SVEP1: variants seen among roughly 807,000 people sequenced by gnomAD.
The protein encoded by SVEP1 is sushi, von Willebrand factor type A, EGF and pentraxin domain-containing protein 1.
In SVEP1, 164 loss-of-function variants were observed where a neutral mutation model predicts 367.3. The observed-to-expected ratio is 0.45, with a 90% CI of 0.39 to 0.51. The LOEUF (loss-of-function observed/expected upper bound fraction) is 0.51, where lower values mean the gene tolerates loss of function less well. Among genes scored for constraint, SVEP1 ranks in the 20% least tolerant of loss-of-function variants. The pLI is 0.00. For synonymous variants in SVEP1, 1,666 were observed against 1,611.6 expected (o/e 1.03, Z -0.81); for missense variants, 4,117 against 4,425.3 (o/e 0.93, Z 1.98).
intron 36 of SVEP1, among the ~76,000 whole-genome samples, chr9:110,416,596 C>A (rs968168812): frequency 2.6e-5 from 4 of 151,392 alleles, no homozygotes; most frequent in African/African-American, 9.8e-5. Context: ...AAAATATTTG[C>A]AGTGAAAATG....
chr9:110,544,206 A>G lies in SVEP1; in HGVS notation c.964+1909T>C, dbSNP rs1302361786. Among the ~76,000 whole-genome samples the G allele has an allele frequency of 3.9e-5, 6 of 152,204 alleles. No individual in the cohort carries two copies. The East Asian group carries it at 1.2e-3, about 29-fold the overall frequency. ...ACTTTCAGACAGACAAGAGAACCAC[A>G]TTTCTATGTGGAGAGCAGACCCATC... On this transcript the variant is annotated intron_variant, in intron 3 of 47. Coordinates refer to ENST00000374469, the MANE Select transcript of SVEP1 (RefSeq NM_153366.4).
chr9:110,404,537 A>G lies in SVEP1; in HGVS notation c.9456T>C (p.Tyr3152=), dbSNP rs1172262745. The G allele has an allele frequency of 6.2e-7, 1 of 1,614,008 alleles. No homozygotes were observed. Among genetic ancestry groups the G allele is most frequent in the Admixed American group, 1.7e-5 (1 of 60,026 alleles). The change falls in exon 39 of 48, where the codon TAT becomes TAC. Residue 3152 remains tyrosine, a synonymous_variant. Transcript: ENST00000374469. The part of the protein sequence containing the change: ...SEVKLRCLEG[Y]TMDTDTDTFT... The stretch of plus-strand genomic sequence containing the variant: ...ATGTATCTGTATCTGTATCCATCGT[A>G]TAACCTTCCAGACATCTGCAATGGA...
chr9:110,530,380 C>T lies in SVEP1; in HGVS notation c.964+15735G>A, dbSNP rs143593003. Among the ~76,000 whole-genome samples the T allele has an allele frequency of 5.2e-3, 789 of 152,236 alleles. 7 individuals carry two copies. Among genetic ancestry groups the T allele is most frequent in the Middle Eastern group, 0.01 (3 of 294 alleles). The stretch of plus-strand genomic sequence containing the variant: ...GACATGCTTGGTTGGACGTTAGGGA[C>T]ATGTCTTCATGACTACCCATTGCTT... On this transcript the variant is annotated intron_variant, in intron 3 of 47. Coordinates refer to ENST00000374469, the MANE Select transcript of SVEP1 (RefSeq NM_153366.4).
intron 1 of SVEP1, among the ~76,000 whole-genome samples, chr9:110,564,353 TA>T (rs1564177644): frequency 6.6e-6 from 1 of 152,154 alleles, no homozygotes; most frequent in Non-Finnish European, 1.5e-5. Context: ...ATACTTACCA[TA>T]AAGAAAAAGT....
At chr9:110,453,749 G>A (rs774721560) in intron 22 of SVEP1, among the ~76,000 whole-genome samples, 2 of 152,030 alleles carry the variant, frequency 1.3e-5, no homozygotes, top group Non-Finnish European at 2.9e-5. Flanking sequence ...TGCGCCTGTA[G>A]TCTCAGCTAC....
chr9:110,409,735 A>G (rs1407505181), intron 37 of SVEP1, among the ~76,000 whole-genome samples: 2 of 152,226 alleles, frequency 1.3e-5, no homozygotes, highest in Non-Finnish European at 1.5e-5. Context: ...TTATATTAAC[A>G]TATTTCTTAA....
intron 1 of SVEP1, among the ~76,000 whole-genome samples, chr9:110,566,735 TGAG>T (rs1830498560): frequency 2.0e-5 from 3 of 152,302 alleles, no homozygotes; most frequent in Admixed American, 2.0e-4. Flanking sequence ...TGTGCAATAT[TGAG>T]GAGAACATTA....
At chr9:110,477,517 T>C (rs1251785962) in intron 13 of SVEP1, among the ~76,000 whole-genome samples, 1 of 152,174 alleles carries the variant, frequency 6.6e-6, no homozygotes, top group Non-Finnish European at 1.5e-5. Flanking sequence ...CTTAGAAAAT[T>C]ATTTTACACC....
At chr9:110,539,894 G>A (rs2118832307) in intron 3 of SVEP1, among the ~76,000 whole-genome samples, 1 of 152,090 alleles carries the variant, frequency 6.6e-6, no homozygotes, top group Admixed American at 6.6e-5. Flanking sequence ...TGTGACCAAA[G>A]TGGCTAGACT....
intron 3 of SVEP1, among the ~76,000 whole-genome samples, chr9:110,516,375 T>C (rs141095750): frequency 8.9e-4 from 135 of 151,956 alleles, no homozygotes; most frequent in African/African-American, 3.2e-3. Context: ...TGATATATAG[T>C]AGCAAATTCC....
At chr9:110,451,446 A>G (rs4421419) in intron 22 of SVEP1, 44 bp from the exon 23 acceptor site, 1,246,676 of 1,484,674 alleles carry the variant, frequency 0.84, 524,534 homozygotes, top group East Asian at 0.99. Flanking sequence ...AACTTGACAG[A>G]ACTTTAAGAC....
At chr9:110,379,126 CCT>C (rs1827396193) in intron 44 of SVEP1, among the ~76,000 whole-genome samples, 2 of 152,074 alleles carry the variant, frequency 1.3e-5, no homozygotes, top group Non-Finnish European at 2.9e-5. Flanking sequence ...TGCCTCATTA[CCT>C]CTTTCTATTT....
chr9:110,513,670 T>C (rs910749886), intron 4 of SVEP1, among the ~76,000 whole-genome samples: 3 of 152,194 alleles, frequency 2.0e-5, no homozygotes, highest in African/African-American at 7.2e-5. Context: ...GGCTTTTCTT[T>C]TTTTGATTCA....
chr9:110,471,224 A>T, intron 16 of SVEP1, 140 bp downstream of exon 16: 1 of 697,302 alleles, frequency 1.4e-6, no homozygotes, highest in Non-Finnish European at 2.3e-6. Context: ...CTCTTGAGAC[A>T]AAATAGTAAT....
intron 46 of SVEP1, 43 bp from the exon 47 acceptor site, chr9:110,370,059 A>T (rs1827253849): frequency 6.4e-7 from 1 of 1,553,146 alleles, no homozygotes. Flanking sequence ...AATACTTAGC[A>T]ATTCTGATGA....
At chr9:110,435,123 AG>A in intron 29 of SVEP1, 117 bp downstream of exon 29, 2 of 1,167,804 alleles carry the variant, frequency 1.7e-6, no homozygotes, top group African/African-American at 3.1e-5. Context: ...AGTTACAAAA[AG>A]TAGATTGACA....
At chr9:110,497,039 G>GTCAT in intron 7 of SVEP1, 106 bp from the exon 8 acceptor site, 1 of 649,178 alleles carries the variant, frequency 1.5e-6, no homozygotes, top group Non-Finnish European at 2.5e-6. Flanking sequence ...TGACACATTT[G>GTCAT]TACATCCCAG....
intron 1 of SVEP1, among the ~76,000 whole-genome samples, chr9:110,577,787 T>C (rs1273907944): frequency 6.6e-6 from 1 of 151,778 alleles, no homozygotes; most frequent in Non-Finnish European, 1.5e-5. Context: ...AAACAAGCAC[T>C]ATAATGGCAA....
chr9:110,379,849 T>C (rs1311622978), intron 43 of SVEP1, among the ~76,000 whole-genome samples: 1 of 152,200 alleles, frequency 6.6e-6, no homozygotes. Context: ...AGGATGCTTA[T>C]TAAATTAGGA....
Sources: allele counts gnomAD v4.1 joint callset (sites outside exome capture counted in the v4.1 genomes callset), GRCh38; gene constraint gnomAD v4.1.1; transcripts MANE v1.5; gene names NCBI Gene and HGNC (gene_info 2026-07-23, HGNC 2026-07-21).